PASD1: variants seen among roughly 807,000 people sequenced by gnomAD.
The protein encoded by PASD1 is circadian clock protein PASD1.
Under a neutral mutation model 58.8 loss-of-function variants are expected in PASD1, and 13 were observed. The ratio of observed to expected loss-of-function variants is 0.22; its 90% confidence interval spans 0.14 to 0.35. The LOEUF is 0.35. Among genes scored for constraint, PASD1 ranks in the 10% least tolerant of loss-of-function variants. The pLI, the probability that PASD1 is intolerant of heterozygous loss-of-function variation, is 1.00. For missense variants in PASD1, 734 were observed against 568.3 expected (o/e 1.29, Z -2.96); for synonymous variants, 236 against 216.7 (o/e 1.09, Z -0.78).
At chrX:151,655,969 A>G (rs1391166264) in intron 9 of PASD1, among the ~76,000 whole-genome samples, 2 of 112,057 alleles carry the variant, frequency 1.8e-5, no homozygotes, top group African/African-American at 6.5e-5. Flanking sequence ...GTTTTCTTCT[A>G]GGGTTTTTAT....
intron 3 of PASD1, among the ~76,000 whole-genome samples, chrX:151,606,202 G>GT (rs1302659280): frequency 9.0e-6 from 1 of 110,785 alleles, no homozygotes; most frequent in Non-Finnish European, 1.9e-5. Context: ...TATTCATGAA[G>GT]TTTTTTCTTG....
chrX:151,625,507 G>T lies in PASD1; in HGVS notation c.606G>T (p.Glu202Asp). ...DEAVLTQDSD[E>D]EPFVGELSSS... The stretch of plus-strand genomic sequence containing the variant: ...CTGTACTTACACAAGATTCAGATGA[G>T]GAACCTTTTGTGGGAGAGCTCAGGT... The change falls in exon 8 of 16, where the codon GAG (glutamate) becomes GAT (aspartate). Residue 202 changes from glutamate to aspartate, a missense_variant. Physicochemically the swap from Glu to Asp is conservative, Grantham distance 45. Coordinates refer to ENST00000370357, the MANE Select transcript of PASD1 (RefSeq NM_173493.3). The T allele has an allele frequency of 8.3e-7, 1 of 1,206,367 alleles. No individual in the cohort carries two copies. The highest frequency in any genetic ancestry group is 1.8e-5 in the South Asian group (1 of 56,271).
At chrX:151,571,072 A>G (rs2012920293) in intron 1 of PASD1, among the ~76,000 whole-genome samples, 1 of 111,935 alleles carries the variant, frequency 8.9e-6, no homozygotes, top group African/African-American at 3.2e-5. Flanking sequence ...GCTTTGTGCA[A>G]GGCTGGGGGA....
intron 8 of PASD1, among the ~76,000 whole-genome samples, chrX:151,646,696 G>A (rs980533961): frequency 8.9e-6 from 1 of 112,347 alleles, no homozygotes; most frequent in Non-Finnish European, 1.9e-5. Flanking sequence ...AGAAGCTCCA[G>A]CTTGTTCATT....
In PASD1 at chrX:151,654,598, A is replaced by G. The variant is rs1041774324; in HGVS notation, c.718-5115A>G. Among the ~76,000 whole-genome samples the G allele has an allele frequency of 1.4e-4, 16 of 112,294 alleles. No homozygotes were observed. The Admixed American group carries it at 1.5e-3, about 11-fold the overall frequency. ...GAAGAAAGTATTTACAGGAAGAAGGAATGATGAACAATGTCAGCTACTGCT... is the reference window on the plus strand; with the variant it reads ...GAAGAAAGTATTTACAGGAAGAAGGGATGATGAACAATGTCAGCTACTGCT... On this transcript the variant is annotated intron_variant, in intron 9 of 15. Transcript: ENST00000370357.
At chrX:151,625,585 C>A in intron 8 of PASD1, 55 bp downstream of exon 8, 1 of 923,385 alleles carries the variant, frequency 1.1e-6, no homozygotes. Flanking sequence ...TTTTACTAAA[C>A]GAAACTAAAA....
chrX:151,623,125 A>G, intron 7 of PASD1, 61 bp downstream of exon 7: 1 of 1,160,459 alleles, frequency 8.6e-7, no homozygotes, highest in Non-Finnish European at 1.2e-6. Flanking sequence ...TTGAAGGGTC[A>G]CTTCCCCTTT....
intron 1 of PASD1, among the ~76,000 whole-genome samples, chrX:151,582,586 T>G (rs892268457): frequency 5.4e-5 from 6 of 111,239 alleles, no homozygotes; most frequent in Non-Finnish European, 1.1e-4. Flanking sequence ...GGCCTAGAAC[T>G]CAAATACTGG....
chrX:151,610,899 T>C (rs975502863), intron 3 of PASD1, among the ~76,000 whole-genome samples: 12 of 106,787 alleles, frequency 1.1e-4, no homozygotes, highest in Non-Finnish European at 1.7e-4. Context: ...CTCCTTTCAC[T>C]GGATAAGATT....
intron 1 of PASD1, among the ~76,000 whole-genome samples, chrX:151,571,703 A>G (rs191015715): frequency 5.3e-4 from 59 of 112,040 alleles, no homozygotes; most frequent in African/African-American, 1.8e-3. Context: ...CCTAAAGTTG[A>G]TGACTTTTCT....
chrX:151,634,632 A>G (rs1340351243), intron 8 of PASD1, among the ~76,000 whole-genome samples: 2 of 111,600 alleles, frequency 1.8e-5, no homozygotes, highest in African/African-American at 6.5e-5. Context: ...TAAATATTTT[A>G]TGGAATGTCC....
chrX:151,605,250 G>A (rs1013851404), intron 3 of PASD1, among the ~76,000 whole-genome samples: 2 of 111,974 alleles, frequency 1.8e-5, no homozygotes, highest in Non-Finnish European at 3.8e-5. Context: ...TGTCTTGACT[G>A]AATTACCATC....
rs543650082 is a variant in PASD1 at position 151,581,810 on chromosome X, G to A, written c.-28+17971G>A. ...CCACTAATGAACCCTAGAAAGAGAG[G>A]CCATGAACAGCCAGCTCTGTCAACT... is the stretch of plus-strand genomic sequence containing the variant. On this transcript the variant is annotated intron_variant, in intron 1 of 15. Transcript: ENST00000370357. Among the ~76,000 whole-genome samples the A allele has an allele frequency of 4.6e-5, 5 of 109,464 alleles. 1 individual carries two copies. In the South Asian group the frequency reaches 2.0e-3, roughly 44 times the overall value.
chrX:151,618,421 T>C (rs1011309331), intron 4 of PASD1, among the ~76,000 whole-genome samples: 11 of 112,319 alleles, frequency 9.8e-5, no homozygotes, highest in African/African-American at 3.6e-4. Flanking sequence ...CCTCATTACT[T>C]CTATATCTGA....
rs1245978101 is a variant in PASD1 at position 151,635,415 on chromosome X, T to C, written c.629+9885T>C. On this transcript the variant is annotated intron_variant, in intron 8 of 15. Transcript: ENST00000370357. ...ATATAAAGATACATATCTATATGTA[T>C]GTGTACCTTTGTGTATGAGTGTATA... Among the ~76,000 whole-genome samples, 4 of 112,004 alleles carry C rather than the reference T, an allele frequency of 3.6e-5. No individual in the cohort carries two copies. The East Asian group carries it at 8.4e-4, about 23-fold the overall frequency.
chrX:151,671,905 A>C, intron 13 of PASD1, 126 bp downstream of exon 13: 1 of 810,141 alleles, frequency 1.2e-6, no homozygotes, highest in Non-Finnish European at 1.7e-6. Context: ...TGCCCAAGAT[A>C]GTAAAAAATC....
Position 151,647,682 on chromosome X carries a change from G to A in PASD1, c.630-933G>A, listed in dbSNP as rs774211493. Among the ~76,000 whole-genome samples, 101 of 110,312 alleles carry A rather than the reference G, an allele frequency of 9.2e-4. 1 individual carries two copies. Among genetic ancestry groups the A allele is most frequent in the African/African-American group, 3.1e-3 (95 of 30,560 alleles). ...TAAATATTACGTATTTTGGATATCCGAAATACATTTTTCAAGCTCTTAATT... is the reference window on the plus strand; with the variant it reads ...TAAATATTACGTATTTTGGATATCCAAAATACATTTTTCAAGCTCTTAATT... On this transcript the variant is annotated intron_variant, in intron 8 of 15. Coordinates refer to ENST00000370357, the MANE Select transcript of PASD1 (RefSeq NM_173493.3).
At position 151,659,892 on chromosome X, in the gene PASD1, A is replaced by G; in HGVS notation, c.841+56A>G. 3.6e-6 allele frequency: 4 copies of G among 1,117,341 alleles called. No individual in the cohort carries two copies. The East Asian group carries it at 1.2e-4, about 34-fold the overall frequency. The allele number at this position is 1,117,341 out of a possible 1,213,427, so 92.1% of individuals were successfully genotyped here. On this transcript the variant is annotated intron_variant, in intron 10 of 15. Transcript: ENST00000370357. Reference sequence around the variant, plus strand: ...TATTAGAAGAAAAACAGTGACCCCCAGGGTAGTTACAGTTTTTCAAATGAA... The same window carrying G: ...TATTAGAAGAAAAACAGTGACCCCCGGGGTAGTTACAGTTTTTCAAATGAA...
intron 4 of PASD1, among the ~76,000 whole-genome samples, chrX:151,612,132 T>C (rs1224782614): frequency 1.0e-5 from 1 of 95,467 alleles, no homozygotes; most frequent in Admixed American, 1.1e-4. Context: ...TCCATGTCCC[T>C]ACAAAGGACA....
Sources: allele counts gnomAD v4.1 joint callset (sites outside exome capture counted in the v4.1 genomes callset), GRCh38; gene constraint gnomAD v4.1.1; transcripts MANE v1.5; gene names NCBI Gene and HGNC (gene_info 2026-07-23, HGNC 2026-07-21).